The following KLHL29 variants were observed in gnomAD, a reference collection of about 807,000 sequenced individuals.
KLHL29 encodes the protein kelch-like protein 29.
KLHL29 carries 21 observed loss-of-function variants against 80.4 expected under a neutral mutation model. The ratio of observed to expected loss-of-function variants is 0.26; its 90% CI spans 0.19 to 0.38. The LOEUF (loss-of-function observed/expected upper bound fraction) is 0.38. Ranked by LOEUF, KLHL29 falls within the 10% of genes least tolerant of loss-of-function variation. The pLI, the probability that KLHL29 is intolerant of heterozygous loss-of-function variation, is 1.00. For synonymous variants in KLHL29, 511 were observed against 526.8 expected (o/e 0.97, Z 0.41); for missense variants, 867 against 1,223.9 (o/e 0.71, Z 4.35).
intron 5 of KLHL29, among the ~76,000 whole-genome samples, chr2:23,658,067 C>G (rs556842661): frequency 6.6e-6 from 1 of 152,158 alleles, no homozygotes; most frequent in African/African-American, 2.4e-5. Context: ...TGTCCCTTCT[C>G]CATGCTTGGC....
At chr2:23,494,242 A>T (rs1665190240) in intron 2 of KLHL29, among the ~76,000 whole-genome samples, 1 of 152,222 alleles carries the variant, frequency 6.6e-6, no homozygotes, top group African/African-American at 2.4e-5. Flanking sequence ...ATTCAGGGGC[A>T]TTGATAGATT....
intron 3 of KLHL29, among the ~76,000 whole-genome samples, chr2:23,590,160 G>T (rs901631208): frequency 6.6e-6 from 1 of 152,194 alleles, no homozygotes; most frequent in African/African-American, 2.4e-5. Context: ...TGCATGGCTG[G>T]GCTTCCTGGC....
At chr2:23,636,391 C>A (rs1433894476) in intron 3 of KLHL29, among the ~76,000 whole-genome samples, 1 of 150,656 alleles carries the variant, frequency 6.6e-6, no homozygotes, top group Non-Finnish European at 1.5e-5. Context: ...TATGTATCTA[C>A]CCTAAAGGAA....
intron 8 of KLHL29, among the ~76,000 whole-genome samples, chr2:23,694,467 A>G (rs1272048237): frequency 6.6e-6 from 1 of 152,008 alleles, no homozygotes; most frequent in Non-Finnish European, 1.5e-5. Flanking sequence ...CTCCAGCCTG[A>G]GCGGTCTCTC....
At chr2:23,656,732 G>A (rs1001004727) in intron 5 of KLHL29, among the ~76,000 whole-genome samples, 14 of 151,592 alleles carry the variant, frequency 9.2e-5, no homozygotes, top group African/African-American at 2.4e-4. Context: ...GAAGCTGGGC[G>A]GAGGTGAGGT....
chr2:23,426,692 A>T (rs1458086315), intron 1 of KLHL29, among the ~76,000 whole-genome samples: 1 of 152,208 alleles, frequency 6.6e-6, no homozygotes, highest in Non-Finnish European at 1.5e-5. Context: ...CATCCCATGG[A>T]AAGTATGGCC....
chr2:23,522,374 T>C (rs576082602), intron 2 of KLHL29, among the ~76,000 whole-genome samples: 1 of 152,194 alleles, frequency 6.6e-6, no homozygotes, highest in East Asian at 1.9e-4. Context: ...GGTCTCGAAC[T>C]CCTGACCTCA....
chr2:23,448,365 G>T (rs545503965), intron 1 of KLHL29, among the ~76,000 whole-genome samples: 1 of 152,254 alleles, frequency 6.6e-6, no homozygotes, highest in South Asian at 2.1e-4. Flanking sequence ...ACCCTTTGAG[G>T]CAGTTGATAT....
rs1192856259 is a variant in KLHL29 at position 23,670,928 on chromosome 2, C to G, written c.941-13471C>G. Among the ~76,000 whole-genome samples the G allele has an allele frequency of 1.8e-3, 10 of 5,688 alleles. No homozygotes were observed. The East Asian group carries it at 0.078, about 44-fold the overall frequency. 3.7% of individuals were successfully genotyped at this position (5,688 alleles called of 152,430 possible). A position where few individuals can be genotyped will look rare whatever the true frequency, so the allele number is the denominator to read the frequency against. On this transcript the variant is annotated intron_variant, in intron 5 of 13. Coordinates refer to ENST00000486442, the MANE Select transcript of KLHL29 (RefSeq NM_052920.2). ...ACACACATGCACGCGCTCTCTCTCT[C>G]TCTCTCTCTCTCTCTCTCTCTCTCT...
At chr2:23,625,357 G>GCAA in intron 3 of KLHL29, among the ~76,000 whole-genome samples, 2 of 152,306 alleles carry the variant, frequency 1.3e-5, no homozygotes, top group Middle Eastern at 6.8e-3. Context: ...ACGAGAGTGG[G>GCAA]CAACAGCCTT....
At chr2:23,430,742 T>G (rs1435391767) in intron 1 of KLHL29, among the ~76,000 whole-genome samples, 1 of 152,218 alleles carries the variant, frequency 6.6e-6, no homozygotes, top group Admixed American at 6.5e-5. Flanking sequence ...CTGTGGTCAG[T>G]GGTCTAGGTT....
rs190387517 is a variant in KLHL29 at position 23,531,858 on chromosome 2, A to G, written c.-45-30294A>G. Among the ~76,000 whole-genome samples, 19 of 152,330 alleles carry G rather than the reference A, an allele frequency of 1.2e-4. 1 individual carries two copies. In the East Asian group the frequency reaches 3.3e-3, roughly 26 times the overall value. ...CTGTTCCTCATCAGCAGACTGCACT[A>G]TACTATTTGCTTTCCACGTCTGTGC... On this transcript the variant is annotated intron_variant, in intron 2 of 13. Transcript: ENST00000486442.
At chr2:23,526,411 G>A (rs184434714) in intron 2 of KLHL29, among the ~76,000 whole-genome samples, 36 of 152,366 alleles carry the variant, frequency 2.4e-4, no homozygotes, top group Admixed American at 8.5e-4. Context: ...AAGGAACGCC[G>A]AGGAGGCACG....
chr2:23,622,233 C>A (rs1669200819), intron 3 of KLHL29, among the ~76,000 whole-genome samples: 1 of 152,148 alleles, frequency 6.6e-6, no homozygotes, highest in South Asian at 2.1e-4. Context: ...GTTCTGACCC[C>A]CAAAGGCATC....
rs560566721 is a variant in KLHL29 at position 23,553,673 on chromosome 2, G to C, written c.-45-8479G>C. Among the ~76,000 whole-genome samples the C allele has an allele frequency of 2.4e-4, 37 of 152,242 alleles. 2 individuals are homozygous for C. The South Asian group carries it at 7.3e-3, about 30-fold the overall frequency. On this transcript the variant is annotated intron_variant, in intron 2 of 13. Coordinates refer to ENST00000486442, the MANE Select transcript of KLHL29 (RefSeq NM_052920.2). ...AATATAAATGCAGACGGACCTTGAT[G>C]GGGGGGCCTCCATACATTTTGGCCC...
At chr2:23,595,101 C>T (rs1668363616) in intron 3 of KLHL29, among the ~76,000 whole-genome samples, 1 of 152,114 alleles carries the variant, frequency 6.6e-6, no homozygotes, top group African/African-American at 2.4e-5. Context: ...ACTTCTCTGT[C>T]CATTTCTGGA....
chr2:23,544,364 C>T (rs1253982871), intron 2 of KLHL29, among the ~76,000 whole-genome samples: 7 of 152,306 alleles, frequency 4.6e-5, no homozygotes, highest in South Asian at 2.1e-4. Flanking sequence ...GCTGCCTGGG[C>T]GTGAATCCTC....
intron 2 of KLHL29, among the ~76,000 whole-genome samples, chr2:23,514,659 G>C (rs887674418): frequency 1.3e-5 from 2 of 152,166 alleles, no homozygotes; most frequent in Non-Finnish European, 2.9e-5. Context: ...GTCAGTAAAT[G>C]GATGATGTTG....
intron 1 of KLHL29, among the ~76,000 whole-genome samples, chr2:23,440,233 T>A (rs1375624904): frequency 6.6e-6 from 1 of 152,120 alleles, no homozygotes; most frequent in East Asian, 1.9e-4. Flanking sequence ...GGGGAAAGGA[T>A]TCCCTGTTTA....
Sources: allele counts gnomAD v4.1 joint callset (sites outside exome capture counted in the v4.1 genomes callset), GRCh38; gene constraint gnomAD v4.1.1; transcripts MANE v1.5; gene names NCBI Gene and HGNC (gene_info 2026-07-23, HGNC 2026-07-21).